Variants in CTTNBP2 observed in about 807,000 individuals in gnomAD.
CTTNBP2 encodes the protein cortactin binding protein 2.
In CTTNBP2, 108 loss-of-function variants were observed where a neutral mutation model predicts 156.9. The observed-to-expected ratio is 0.69, with a 90% confidence interval of 0.59 to 0.81. The LOEUF is 0.81. Ranked by LOEUF, CTTNBP2 falls within the 30% of genes least tolerant of loss-of-function variation. The pLI is 0.00. For synonymous variants in CTTNBP2, 767 were observed against 751.8 expected, an observed-to-expected ratio of 1.02 and a Z score of -0.33; for missense variants, 1,924 against 2,035.4, an observed-to-expected ratio of 0.95 and a Z score of 1.05.
intron 19 of CTTNBP2, among the ~76,000 whole-genome samples, chr7:117,722,822 G>A (rs976854775): frequency 2.6e-5 from 4 of 152,212 alleles, no homozygotes; most frequent in Non-Finnish European, 5.9e-5. Context: ...TCAGGGTGTT[G>A]TGGACTACAG....
intron 2 of CTTNBP2, among the ~76,000 whole-genome samples, chr7:117,841,339 C>T (rs1296888447): frequency 6.6e-6 from 1 of 152,006 alleles, no homozygotes; most frequent in Non-Finnish European, 1.5e-5. Context: ...TTGTTTTGAA[C>T]TCATGGACTA....
At chr7:117,735,533 G>A (rs1795640430) in intron 14 of CTTNBP2, 112 bp from the exon 15 acceptor site, 3 of 890,420 alleles carry the variant, frequency 3.4e-6, no homozygotes, top group Non-Finnish European at 3.5e-6. Context: ...GTGGTATAAT[G>A]GGAATGTTCT....
chr7:117,757,338 C>T (rs1796936424), intron 11 of CTTNBP2, among the ~76,000 whole-genome samples: 1 of 152,066 alleles, frequency 6.6e-6, no homozygotes, highest in South Asian at 2.1e-4. Context: ...GAATATCAAT[C>T]TCTCAGAGCC....
chr7:117,871,846 A>T (rs1056856324), intron 1 of CTTNBP2: 1 of 388,900 alleles, frequency 2.6e-6, no homozygotes, highest in Non-Finnish European at 3.4e-6. Flanking sequence ...CTTCCCCTTC[A>T]CACACACACA....
chr7:117,855,005 G>A (rs1331167665), intron 2 of CTTNBP2, among the ~76,000 whole-genome samples: 4 of 151,986 alleles, frequency 2.6e-5, no homozygotes, highest in African/African-American at 4.8e-5. Context: ...GGCTGGTCTC[G>A]AACTCCTGAC....
chr7:117,810,519 A>T (rs1800210916), intron 3 of CTTNBP2, among the ~76,000 whole-genome samples: 1 of 152,182 alleles, frequency 6.6e-6, no homozygotes, highest in Non-Finnish European at 1.5e-5. Context: ...TAAAGAAAGT[A>T]TCAAAGTAAC....
At chr7:117,737,404 C>T (rs1486281465) in intron 14 of CTTNBP2, among the ~76,000 whole-genome samples, 5 of 152,092 alleles carry the variant, frequency 3.3e-5, no homozygotes, top group Admixed American at 6.6e-5. Context: ...TTAAGTGCAT[C>T]GCCAGTTTAA....
At chr7:117,757,528 TAAAAAA>T (rs56687697) in intron 11 of CTTNBP2, among the ~76,000 whole-genome samples, 6 of 91,442 alleles carry the variant, frequency 6.6e-5, no homozygotes, top group East Asian at 3.5e-4. Flanking sequence ...TTAAGCACAG[TAAAAAA>T]AAAAAAAAAA....
At chr7:117,824,446 G>T (rs1801160432) in intron 2 of CTTNBP2, among the ~76,000 whole-genome samples, 1 of 151,930 alleles carries the variant, frequency 6.6e-6, no homozygotes. Flanking sequence ...TTTCCACTGG[G>T]TTCCGGGAGA....
chr7:117,722,339 T>C (rs1013846260), intron 19 of CTTNBP2, among the ~76,000 whole-genome samples: 1 of 151,956 alleles, frequency 6.6e-6, no homozygotes, highest in Non-Finnish European at 1.5e-5. Flanking sequence ...AAATTTACCA[T>C]TATAAAAATA....
Position 117,810,912 on chromosome 7 carries a change from T to C in CTTNBP2, c.267A>G (p.Arg89=). ...TGTCACCAGCACCTGCTTCATAGTC[T>C]CTCTGGAGTGCCAGGAACGGGTCAT... ...NLNDPFLALQ[R]DYEAGAGDKE... Residue 89 remains arginine, a synonymous_variant, in exon 3 of 23, where the codon AGA becomes AGG. Coordinates refer to ENST00000160373, the MANE Select transcript of CTTNBP2 (RefSeq NM_033427.3). 1 of 1,614,118 alleles carries C rather than the reference T, an allele frequency of 6.2e-7. No individual in the cohort carries two copies. The highest frequency in any genetic ancestry group is 2.2e-5 in the East Asian group (1 of 44,876).
Position 117,780,444 on chromosome 7 carries a change from G to A in CTTNBP2, c.2520C>T (p.Thr840=). The part of the protein sequence containing the change: ...LEAGTNRSVK[T]TDGWTPVHAA... ...AAAAAAACAGACTGCTACTCACTGT[G>A]GTTTTTACACTTCGATTGGTTCCAG... is the stretch of plus-strand genomic sequence containing the variant. The change falls in exon 7 of 23, where the codon ACC becomes ACT. Residue 840 remains threonine, a synonymous_variant. Transcript: ENST00000160373. 6.4e-7 allele frequency: 1 copy of A among 1,559,602 alleles called. No individual in the cohort carries two copies. Among genetic ancestry groups the A allele is most frequent in the Non-Finnish European group, 8.6e-7 (1 of 1,157,208 alleles).
chr7:117,714,434 A>G (rs1794230246), intron 22 of CTTNBP2, among the ~76,000 whole-genome samples: 1 of 152,230 alleles, frequency 6.6e-6, no homozygotes, highest in Non-Finnish European at 1.5e-5. Flanking sequence ...TGGCATTATA[A>G]TAAGGATAAC....
rs140687883 is a variant in CTTNBP2 at position 117,718,457 on chromosome 7, A to G, written c.4645-338T>C. On this transcript the variant is annotated intron_variant, in intron 21 of 22. Transcript: ENST00000160373. ...ATTACCTTACTTTTCCAGTGGATAT[A>G]TACTTTGTTTCCAACAAAGTTAAAT... is the stretch of plus-strand genomic sequence containing the variant. Among the ~76,000 whole-genome samples the G allele has an allele frequency of 4.4e-4, 67 of 152,380 alleles. No homozygotes were observed. The East Asian group carries it at 9.4e-3, about 21-fold the overall frequency.
intron 14 of CTTNBP2, among the ~76,000 whole-genome samples, chr7:117,741,453 AT>A (rs1796012117): frequency 6.6e-6 from 1 of 152,152 alleles, no homozygotes. Context: ...TTCTGTATGA[AT>A]TTTCTTTTCT....
chr7:117,803,179 CCATATACGCCATACGTATACA>C (rs1410669635), intron 3 of CTTNBP2, among the ~76,000 whole-genome samples: 4 of 152,140 alleles, frequency 2.6e-5, no homozygotes, highest in Admixed American at 2.0e-4. Context: ...TACATATACA[CCATATACGCCATACGTATACA>C]CATATACGCC....
intron 16 of CTTNBP2, among the ~76,000 whole-genome samples, chr7:117,728,816 A>G (rs1795246540): frequency 6.6e-6 from 1 of 152,244 alleles, no homozygotes; most frequent in Non-Finnish European, 1.5e-5. Flanking sequence ...AGGATACAGC[A>G]TCTCGCTGAA....
At chr7:117,754,515 T>G (rs1796785617) in intron 12 of CTTNBP2, among the ~76,000 whole-genome samples, 1 of 152,246 alleles carries the variant, frequency 6.6e-6, no homozygotes, top group Admixed American at 6.5e-5. Context: ...AATAAACAGT[T>G]GTGAAACAAC....
chr7:117,746,896 G>A lies in CTTNBP2; in HGVS notation c.3349-797C>T, dbSNP rs1047188905. On this transcript the variant is annotated intron_variant, in intron 12 of 22. Coordinates refer to ENST00000160373, the MANE Select transcript of CTTNBP2 (RefSeq NM_033427.3). ...TTATCCTCGTGTATAAGGATACCTC[G>A]CCTGAGAACATGGAGTTTCAGCATG... Among the ~76,000 whole-genome samples the A allele has an allele frequency of 3.9e-4, 59 of 151,940 alleles. 1 individual carries two copies. Among genetic ancestry groups the A allele is most frequent in the Admixed American group, 7.2e-4 (11 of 15,260 alleles).
Sources: allele counts gnomAD v4.1 joint callset (sites outside exome capture counted in the v4.1 genomes callset), GRCh38; gene constraint gnomAD v4.1.1; transcripts MANE v1.5; gene names NCBI Gene and HGNC (gene_info 2026-07-23, HGNC 2026-07-21).